The following NALCN variants were observed in gnomAD, a reference collection of about 807,000 sequenced individuals.
NALCN encodes sodium leak channel NALCN.
A neutral mutation model predicts 225.3 loss-of-function variants in NALCN; 111 were observed. The observed-to-expected ratio is 0.49, with a 90% CI of 0.42 to 0.58. The LOEUF (loss-of-function observed/expected upper bound fraction) is 0.58, where lower values mean the gene tolerates loss of function less well. Among genes scored for constraint, NALCN ranks in the 20% least tolerant of loss-of-function variants. The probability of loss-of-function intolerance (pLI) is 0.00; values close to 1 mark genes in which losing one functional copy is unlikely to be tolerated. For missense variants in NALCN, 1,378 were observed against 2,202.4 expected (o/e 0.63, Z 7.49); for synonymous variants, 764 against 769.0 (o/e 0.99, Z 0.11).
Position 101,182,373 on chromosome 13 carries a change from C to A in NALCN, c.1765-5999G>T, listed in dbSNP as rs75813928. On this transcript the variant is annotated intron_variant, in intron 14 of 43. Transcript: ENST00000251127. Reference sequence around the variant, plus strand: ...CTTTGGCTTCTCTGGGAAAACGCTGCGTGACTTCACAACAGGAAGGCCCAA... The same window carrying A: ...CTTTGGCTTCTCTGGGAAAACGCTGAGTGACTTCACAACAGGAAGGCCCAA... Among the ~76,000 whole-genome samples, 466 of 152,138 alleles carry A rather than the reference C, an allele frequency of 3.1e-3. 1 individual carries two copies. The highest frequency in any genetic ancestry group is 0.011 in the African/African-American group (456 of 41,510).
intron 15 of NALCN, among the ~76,000 whole-genome samples, chr13:101,162,140 T>C (rs1253270421): frequency 6.6e-6 from 1 of 152,154 alleles, no homozygotes; most frequent in African/African-American, 2.4e-5. Context: ...TGACCACCAT[T>C]TGTGTCGGGG....
At chr13:101,267,598 C>A (rs1243877764) in intron 10 of NALCN, among the ~76,000 whole-genome samples, 1 of 152,194 alleles carries the variant, frequency 6.6e-6, no homozygotes, top group Admixed American at 6.5e-5. Context: ...GCTCTTGGAA[C>A]CCCGAGCGAC....
chr13:101,415,964 G>A (rs1175217211), intron 1 of NALCN, among the ~76,000 whole-genome samples: 1 of 152,194 alleles, frequency 6.6e-6, no homozygotes, highest in African/African-American at 2.4e-5. Context: ...GCAGGCCCGA[G>A]GTGTCGCCGG....
intron 6 of NALCN, among the ~76,000 whole-genome samples, chr13:101,350,994 T>C (rs1396614365): frequency 2.0e-5 from 3 of 152,306 alleles, no homozygotes; most frequent in African/African-American, 7.2e-5. Context: ...GACATATCTT[T>C]TGAGCTAAGC....
rs775375585 is a variant in NALCN, at chr13:101,376,949, T to C, written c.483A>G (p.Glu161=). The C allele has an allele frequency of 2.5e-6, 4 of 1,614,206 alleles. No individual in the cohort carries two copies. Among genetic ancestry groups the C allele is most frequent in the South Asian group, 2.2e-5 (2 of 91,086 alleles). ...TATTTGTAATTCTGGTCCTTGGCAG[T>C]TCAAATCGGAAATAAATCCGGAATG... ...IRAFRIYFRF[E]LPRTRITNIL... is the part of the protein sequence containing the mutation. The change falls in exon 5 of 44, where the codon GAA becomes GAG. Residue 161 remains glutamate (E), a synonymous_variant. Coordinates refer to ENST00000251127, the MANE Select transcript of NALCN (RefSeq NM_052867.4).
chr13:101,121,430 T>G (rs1398950203), intron 18 of NALCN, among the ~76,000 whole-genome samples: 1 of 152,178 alleles, frequency 6.6e-6, no homozygotes, highest in African/African-American at 2.4e-5. Flanking sequence ...GTTTTTGTGA[T>G]TTATCTCTAT....
intron 10 of NALCN, among the ~76,000 whole-genome samples, chr13:101,263,470 T>A (rs2042499041): frequency 6.6e-6 from 1 of 152,206 alleles, no homozygotes; most frequent in African/African-American, 2.4e-5. Context: ...TTCCATTTCA[T>A]CTGCATGGCA....
At chr13:101,323,455 C>T (rs1158717697) in intron 7 of NALCN, among the ~76,000 whole-genome samples, 1 of 152,202 alleles carries the variant, frequency 6.6e-6, no homozygotes, top group East Asian at 1.9e-4. Context: ...AGCATATGTA[C>T]AATATGTTCT....
At position 101,110,676 on chromosome 13, in the gene NALCN, A is replaced by G; in HGVS notation, c.2307T>C (p.His769=). 1 of 1,614,112 alleles carries G rather than the reference A, an allele frequency of 6.2e-7. No homozygotes were observed. The highest frequency in any genetic ancestry group is 8.5e-7 in the Non-Finnish European group (1 of 1,179,968). Residue 769 remains histidine (H), a synonymous_variant, in exon 20 of 44, where the codon CAT becomes CAC. Coordinates refer to ENST00000251127, the MANE Select transcript of NALCN (RefSeq NM_052867.4). ...TGCTGATCCTCTGGCTGTTTGATCC[A>G]TGTCTTAGTGACCTAAAACAACCAC... The part of the protein sequence containing the change: ...HIRQERRSLR[H]GSNSQRISRG...
Position 101,067,978 on chromosome 13 carries a change from TA to T in NALCN, c.4385del (p.Leu1462Ter). On this transcript the variant is annotated frameshift_variant, in exon 39 of 44. Transcript: ENST00000251127. LOFTEE classifies it high-confidence loss of function. ...GAAAGTGGCGAAGATCATTGTAACT[TA>T]AAAGCTGGTCCTCCTCAGTGGAATA... ...LFYSTEEDQL[L>X]SYNDLRHFQI... 6.2e-7 allele frequency: 1 copy of T among 1,613,300 alleles called. No homozygotes were observed. Among genetic ancestry groups the T allele is most frequent in the Non-Finnish European group, 8.5e-7 (1 of 1,179,728 alleles).
intron 6 of NALCN, among the ~76,000 whole-genome samples, chr13:101,368,008 T>TTATTC (rs2046425683): frequency 6.6e-6 from 1 of 151,230 alleles, no homozygotes. Context: ...TTATTTTATT[T>TTATTC]TATTATTATT....
At chr13:101,378,455 C>G in intron 4 of NALCN, 115 bp downstream of exon 4, 1 of 685,332 alleles carries the variant, frequency 1.5e-6, no homozygotes, top group Non-Finnish European at 2.4e-6. Context: ...ATGTTGTAGG[C>G]AATTACACAA....
chr13:101,161,335 T>C (rs1249835330), intron 15 of NALCN, among the ~76,000 whole-genome samples: 3 of 152,204 alleles, frequency 2.0e-5, no homozygotes. Context: ...CAAGGCTGAG[T>C]TGATGAACGT....
intron 17 of NALCN, among the ~76,000 whole-genome samples, chr13:101,126,173 G>A (rs186644579): frequency 6.6e-6 from 1 of 152,218 alleles, no homozygotes; most frequent in East Asian, 1.9e-4. Flanking sequence ...TGATAACCTA[G>A]ATAACATCAA....
chr13:101,170,744 G>T (rs1188909040), intron 15 of NALCN, among the ~76,000 whole-genome samples: 1 of 152,190 alleles, frequency 6.6e-6, no homozygotes, highest in Non-Finnish European at 1.5e-5. Flanking sequence ...ATTCAAGTGA[G>T]ACTGGATACA....
intron 1 of NALCN, among the ~76,000 whole-genome samples, chr13:101,400,572 T>C (rs201436782): frequency 4.9e-5 from 6 of 121,996 alleles, no homozygotes; most frequent in African/African-American, 1.2e-4. Context: ...TGTGTGTGTG[T>C]GTGTGTGTGC....
chr13:101,183,214 C>T lies in NALCN; in HGVS notation c.1765-6840G>A, dbSNP rs76047807. On this transcript the variant is annotated intron_variant, in intron 14 of 43. Transcript: ENST00000251127. ...ATTACCTTCAGCTAATGTTTACCTA[C>T]ACTACCACATGTTGCTGTGCCAAAA... Among the ~76,000 whole-genome samples, 4 of 152,316 alleles carry T rather than the reference C, an allele frequency of 2.6e-5. No homozygotes were observed. The East Asian group carries it at 5.8e-4, about 22-fold the overall frequency.
At chr13:101,078,230 AGAGT>A (rs2033387225) in intron 34 of NALCN, among the ~76,000 whole-genome samples, 1 of 11,596 alleles carries the variant, frequency 8.6e-5, no homozygotes, top group Non-Finnish European at 1.9e-4. Context: ...GTCCACACAC[AGAGT>A]CCACACACAG....
chr13:101,412,350 A>T (rs914737306), intron 1 of NALCN, among the ~76,000 whole-genome samples: 2 of 152,090 alleles, frequency 1.3e-5, no homozygotes, highest in Non-Finnish European at 2.9e-5. Flanking sequence ...TTCTTTGCAT[A>T]ATTGGAAATA....
Sources: allele counts gnomAD v4.1 joint callset (sites outside exome capture counted in the v4.1 genomes callset), GRCh38; gene constraint gnomAD v4.1.1; transcripts MANE v1.5; gene names NCBI Gene and HGNC (gene_info 2026-07-23, HGNC 2026-07-21).